DCAF12: variants seen among roughly 807,000 people sequenced by gnomAD.
DCAF12 encodes the protein DDB1- and CUL4-associated factor 12.
A neutral mutation model predicts 52.8 loss-of-function variants in DCAF12; 28 were observed. The ratio of observed to expected loss-of-function variants is 0.53; its 90% CI spans 0.39 to 0.73. DCAF12 has a LOEUF of 0.73. DCAF12 is among the 30% of genes least tolerant of loss of function. DCAF12 has a pLI of 0.00. For missense variants in DCAF12, 425 were observed against 552.2 expected (o/e 0.77, Z 2.31); for synonymous variants, 196 against 215.5 (o/e 0.91, Z 0.79).
chr9:34,091,239 A>G (rs914706025), intron 7 of DCAF12, among the ~76,000 whole-genome samples: 4 of 152,016 alleles, frequency 2.6e-5, no homozygotes, highest in Non-Finnish European at 5.9e-5. Context: ...AGGCAGGAGA[A>G]TCGCTTGAAC....
At chr9:34,092,330 T>C (rs1828657646) in intron 7 of DCAF12, among the ~76,000 whole-genome samples, 1 of 152,162 alleles carries the variant, frequency 6.6e-6, no homozygotes, top group Admixed American at 6.6e-5. Flanking sequence ...CCATGCCACA[T>C]CTTAGCATAA....
At chr9:34,123,839 C>A (rs763923720) in intron 2 of DCAF12, among the ~76,000 whole-genome samples, 1 of 151,806 alleles carries the variant, frequency 6.6e-6, no homozygotes, top group South Asian at 2.1e-4. Context: ...TTCTTAACCA[C>A]GAGTGGGCAG....
At chr9:34,101,541 T>G (rs1045224373) in intron 4 of DCAF12, among the ~76,000 whole-genome samples, 2 of 151,738 alleles carry the variant, frequency 1.3e-5, no homozygotes. Context: ...TACAGGCATG[T>G]GCCACCATGC....
chr9:34,104,554 G>A (rs913294389), intron 4 of DCAF12, among the ~76,000 whole-genome samples: 6 of 152,204 alleles, frequency 3.9e-5, no homozygotes, highest in African/African-American at 1.4e-4. Flanking sequence ...CTGTGTTTCA[G>A]AAGATTACTT....
At chr9:34,119,941 A>G (rs552890323) in intron 2 of DCAF12, among the ~76,000 whole-genome samples, 1 of 152,006 alleles carries the variant, frequency 6.6e-6, no homozygotes, top group Non-Finnish European at 1.5e-5. Context: ...CTCTGGGCTC[A>G]AGTGATCTTC....
At chr9:34,092,930 C>T (rs1264871047) in intron 7 of DCAF12, among the ~76,000 whole-genome samples, 2 of 152,128 alleles carry the variant, frequency 1.3e-5, no homozygotes, top group Non-Finnish European at 2.9e-5. Context: ...ACCGCAACCT[C>T]CGCCTCCCAG....
intron 2 of DCAF12, among the ~76,000 whole-genome samples, chr9:34,112,051 G>A (rs1026779770): frequency 1.3e-5 from 2 of 151,752 alleles, no homozygotes; most frequent in African/African-American, 4.8e-5. Flanking sequence ...GCTGAGACAG[G>A]AGAATTGCTT....
chr9:34,114,069 C>T (rs1211507661), intron 2 of DCAF12, among the ~76,000 whole-genome samples: 2 of 151,272 alleles, frequency 1.3e-5, no homozygotes, highest in Non-Finnish European at 2.9e-5. Flanking sequence ...GATCATGCCA[C>T]TGCACTCCAG....
chr9:34,120,560 A>G (rs1829156342), intron 2 of DCAF12, among the ~76,000 whole-genome samples: 1 of 150,746 alleles, frequency 6.6e-6, no homozygotes, highest in Non-Finnish European at 1.5e-5. Context: ...AGTCCCAGCT[A>G]GTCGGGGGGC....
At chr9:34,099,593 T>C (rs1015649024) in intron 4 of DCAF12, among the ~76,000 whole-genome samples, 2 of 114,516 alleles carry the variant, frequency 1.7e-5, no homozygotes, top group African/African-American at 5.5e-5. Context: ...TTTATTTTTC[T>C]TTTTTTTCCC....
rs45471992 is a variant in DCAF12, at chr9:34,126,202, G to A, written c.78+152C>T. On this transcript the variant is annotated intron_variant, in intron 1 of 8. Transcript: ENST00000361264. ...CCTATCTGCCCTCCAGTTAACGAGG[G>A]TCCAGTCCTGACCCTATAGGCCCTG... 1.3e-4 allele frequency: 127 copies of A among 950,510 alleles called. 1 individual carries two copies. Among genetic ancestry groups the A allele is most frequent in the Non-Finnish European group, 1.8e-4 (116 of 633,250 alleles). The allele number at this position is 950,510 out of a possible 1,614,324, so 58.9% of individuals were successfully genotyped here.
chr9:34,100,374 AT>A (rs1010623600), intron 4 of DCAF12, among the ~76,000 whole-genome samples: 29 of 147,716 alleles, frequency 2.0e-4, no homozygotes, highest in Non-Finnish European at 1.5e-4. Flanking sequence ...AATTTTTTGT[AT>A]TTTTAGTAGA....
chr9:34,120,203 CAAAAAAAA>C (rs34481024), intron 2 of DCAF12, among the ~76,000 whole-genome samples: 1 of 26,198 alleles, frequency 3.8e-5, no homozygotes, highest in Non-Finnish European at 5.9e-5. Flanking sequence ...AAGTCCGTCT[CAAAAAAAA>C]AAAAAAAAAA....
At chr9:34,113,093 C>T (rs1469920404) in intron 2 of DCAF12, among the ~76,000 whole-genome samples, 1 of 152,024 alleles carries the variant, frequency 6.6e-6, no homozygotes, top group African/African-American at 2.4e-5. Flanking sequence ...TCTTGTTGCC[C>T]AGGCTGGAGT....
At chr9:34,118,103 A>AGAAGATGGAAATT (rs1829114409) in intron 2 of DCAF12, among the ~76,000 whole-genome samples, 1 of 152,032 alleles carries the variant, frequency 6.6e-6, no homozygotes, top group Admixed American at 6.6e-5. Flanking sequence ...TCCTACCTAT[A>AGAAGATGGAAATT]GAAGATGGAA....
At chr9:34,102,598 A>G (rs1828846191) in intron 4 of DCAF12, among the ~76,000 whole-genome samples, 1 of 151,814 alleles carries the variant, frequency 6.6e-6, no homozygotes, top group Non-Finnish European at 1.5e-5. Context: ...GGTTGCAGTG[A>G]GCCGAGATCA....
At chr9:34,121,741 G>C (rs747679094) in intron 2 of DCAF12, among the ~76,000 whole-genome samples, 1 of 152,050 alleles carries the variant, frequency 6.6e-6, no homozygotes, top group South Asian at 2.1e-4. Flanking sequence ...TCAGAAGATC[G>C]AGACCATCCT....
At chr9:34,091,163 C>T (rs1190328074) in intron 7 of DCAF12, among the ~76,000 whole-genome samples, 11 of 151,848 alleles carry the variant, frequency 7.2e-5, no homozygotes, top group Admixed American at 7.2e-4. Flanking sequence ...TCCATCTCTA[C>T]TAAAAACACA....
intron 8 of DCAF12, among the ~76,000 whole-genome samples, chr9:34,088,718 AT>A (rs1163817248): frequency 6.6e-6 from 1 of 152,190 alleles, no homozygotes; most frequent in Non-Finnish European, 1.5e-5. Flanking sequence ...CAGCTGAAGA[AT>A]TGCTATACAA....
Sources: gnomAD v4.1 joint callset for allele counts (sites outside exome capture counted in the v4.1 genomes callset) on GRCh38, gnomAD v4.1.1 for gene constraint, MANE v1.5 for transcripts, NCBI Gene and HGNC (gene_info 2026-07-23, HGNC 2026-07-21) for gene names.